The following MSRA variants were observed in gnomAD, a reference collection of about 807,000 sequenced individuals.
MSRA encodes mitochondrial peptide methionine sulfoxide reductase.
MSRA carries 54 observed loss-of-function variants against 31.3 expected under a neutral mutation model. The observed-to-expected ratio is 1.73, with a 90% confidence interval of 1.39 to 2.17. The LOEUF is 2.17. Among genes scored for constraint, MSRA ranks in the 30% most tolerant of loss-of-function variants. The pLI, the probability that MSRA is intolerant of heterozygous loss-of-function variation, is 0.00. For synonymous variants in MSRA, 169 were observed against 116.5 expected (o/e 1.45, Z -2.90); for missense variants, 507 against 300.9 (o/e 1.69, Z -5.07).
At chr8:10,252,187 TGATTTGAGA>T (rs1331174090) in intron 3 of MSRA, among the ~76,000 whole-genome samples, 1 of 152,144 alleles carries the variant, frequency 6.6e-6, no homozygotes, top group East Asian at 1.9e-4. Context: ...AGAGATGAAG[TGATTTGAGA>T]GATTTTATTA....
chr8:10,225,501 A>C (rs1173466353), intron 2 of MSRA, among the ~76,000 whole-genome samples: 1 of 152,242 alleles, frequency 6.6e-6, no homozygotes, highest in East Asian at 1.9e-4. Flanking sequence ...CATTGTCGAT[A>C]GAAGTGGGAA....
At chr8:10,268,486 G>C (rs1327729103) in intron 3 of MSRA, among the ~76,000 whole-genome samples, 3 of 152,170 alleles carry the variant, frequency 2.0e-5, no homozygotes, top group African/African-American at 7.2e-5. Context: ...TATTTTCACA[G>C]CACCATCCTT....
intron 2 of MSRA, among the ~76,000 whole-genome samples, chr8:10,235,019 C>T (rs1363303100): frequency 6.6e-6 from 1 of 151,966 alleles, no homozygotes; most frequent in Non-Finnish European, 1.5e-5. Flanking sequence ...CTCAATTTGC[C>T]AGAAAATTAA....
intron 1 of MSRA, among the ~76,000 whole-genome samples, chr8:10,206,298 C>G (rs1808969986): frequency 6.6e-6 from 1 of 152,192 alleles, no homozygotes; most frequent in Non-Finnish European, 1.5e-5. Flanking sequence ...TGGGACCTTC[C>G]ATCACACATC....
intron 1 of MSRA, among the ~76,000 whole-genome samples, chr8:10,056,995 C>T (rs901519981): frequency 2.6e-5 from 4 of 152,172 alleles, no homozygotes; most frequent in African/African-American, 7.2e-5. Context: ...ACCATCTTAG[C>T]GTTCATCCTA....
intron 5 of MSRA, among the ~76,000 whole-genome samples, chr8:10,400,168 T>C (rs13254942): frequency 0.29 from 44,126 of 151,888 alleles, 7,159 homozygotes; most frequent in Non-Finnish European, 0.37. Context: ...CAGACTTGCA[T>C]GTTACGTGAT....
At chr8:10,062,227 A>G (rs1253914341) in intron 1 of MSRA, among the ~76,000 whole-genome samples, 1 of 152,188 alleles carries the variant, frequency 6.6e-6, no homozygotes, top group Admixed American at 6.5e-5. Context: ...GCTCCTTCCC[A>G]TGCAGCAGCA....
At chr8:10,271,418 C>T (rs918580412) in intron 3 of MSRA, among the ~76,000 whole-genome samples, 12 of 95,946 alleles carry the variant, frequency 1.3e-4, no homozygotes, top group South Asian at 4.3e-4. Context: ...TGACCAAATA[C>T]GATGTGAGGA....
intron 5 of MSRA, chr8:10,337,657 A>T: frequency 1.4e-6 from 1 of 695,686 alleles, no homozygotes; most frequent in Non-Finnish European, 2.6e-6. Context: ...TGATAGTGTC[A>T]TCCGGTGAAT....
chr8:10,347,460 G>C (rs1489781275), intron 5 of MSRA, among the ~76,000 whole-genome samples: 1 of 152,080 alleles, frequency 6.6e-6, no homozygotes, highest in African/African-American at 2.4e-5. Flanking sequence ...CAAACACTCT[G>C]CCTTGCCCCC....
intron 1 of MSRA, among the ~76,000 whole-genome samples, chr8:10,136,251 C>T (rs776536918): frequency 2.6e-5 from 4 of 152,198 alleles, no homozygotes; most frequent in Non-Finnish European, 5.9e-5. Context: ...GGCATTCAGC[C>T]ACATGGTAGA....
chr8:10,121,220 A>G (rs1801081541), intron 1 of MSRA, among the ~76,000 whole-genome samples: 1 of 152,136 alleles, frequency 6.6e-6, no homozygotes, highest in Admixed American at 6.6e-5. Context: ...GGGAGGAATG[A>G]GCAGTGAAAT....
chr8:10,308,845 G>C (rs1172871515), intron 4 of MSRA, among the ~76,000 whole-genome samples: 2 of 152,210 alleles, frequency 1.3e-5, no homozygotes, highest in African/African-American at 4.8e-5. Context: ...GAACCTCATT[G>C]CTTCTCTTCT....
chr8:10,397,358 C>T (rs1311154345), intron 5 of MSRA, among the ~76,000 whole-genome samples: 1 of 152,186 alleles, frequency 6.6e-6, no homozygotes, highest in African/African-American at 2.4e-5. Flanking sequence ...GGGTTGAGCT[C>T]ATTTGAAATG....
intron 2 of MSRA, among the ~76,000 whole-genome samples, chr8:10,241,077 G>A (rs548572998): frequency 2.0e-5 from 3 of 152,080 alleles, no homozygotes; most frequent in Non-Finnish European, 4.4e-5. Flanking sequence ...TTATAATCTG[G>A]TGGGTCTGAT....
At chr8:10,102,901 A>T (rs1799629838) in intron 1 of MSRA, among the ~76,000 whole-genome samples, 1 of 152,084 alleles carries the variant, frequency 6.6e-6, no homozygotes, top group African/African-American at 2.4e-5. Flanking sequence ...AGTAACCTGG[A>T]CAGTGTCTCA....
At chr8:10,129,765 T>A (rs1801765887) in intron 1 of MSRA, among the ~76,000 whole-genome samples, 1 of 152,182 alleles carries the variant, frequency 6.6e-6, no homozygotes, top group African/African-American at 2.4e-5. Context: ...CATTCTGTGT[T>A]TGTAAGTGGC....
At chr8:10,109,458 C>T (rs1447656044) in intron 1 of MSRA, among the ~76,000 whole-genome samples, 1 of 151,948 alleles carries the variant, frequency 6.6e-6, no homozygotes, top group African/African-American at 2.4e-5. Flanking sequence ...CCTTCCACCT[C>T]AGCCTCCCAA....
At chr8:10,128,376 G>C (rs1801652108) in intron 1 of MSRA, among the ~76,000 whole-genome samples, 1 of 150,208 alleles carries the variant, frequency 6.7e-6, no homozygotes, top group African/African-American at 2.5e-5. Context: ...CAAAACTCTT[G>C]TCTCAAAAAA....
Sources: gnomAD v4.1 joint callset for allele counts (sites outside exome capture counted in the v4.1 genomes callset) on GRCh38, gnomAD v4.1.1 for gene constraint, MANE v1.5 for transcripts, NCBI Gene and HGNC (gene_info 2026-07-23, HGNC 2026-07-21) for gene names.